Variants in ABCB1 observed in about 807,000 individuals in gnomAD.
ABCB1 encodes the protein ATP binding cassette subfamily B member 1, also known as ATP-dependent translocase ABCB1.
A neutral mutation model predicts 142.0 loss-of-function variants in ABCB1; 69 were observed. The observed-to-expected ratio is 0.49, with a 90% CI of 0.40 to 0.59. The LOEUF (loss-of-function observed/expected upper bound fraction) is 0.59. ABCB1 is among the 20% of genes least tolerant of loss of function. The pLI is 0.00. For synonymous variants in ABCB1, 532 were observed against 539.2 expected (o/e 0.99, Z 0.18); for missense variants, 1,326 against 1,554.7 (o/e 0.85, Z 2.47).
chr7:87,597,321 G>T (rs995457806), intron 2 of ABCB1, among the ~76,000 whole-genome samples: 2 of 151,594 alleles, frequency 1.3e-5, no homozygotes, highest in Non-Finnish European at 2.9e-5. Context: ...TTTTAATAAA[G>T]AATCTTTGCT....
chr7:87,681,735 G>A (rs1291746653), intron 1 of ABCB1, among the ~76,000 whole-genome samples: 4 of 138,026 alleles, frequency 2.9e-5, no homozygotes, highest in Non-Finnish European at 6.2e-5. Flanking sequence ...ACAATGGGCT[G>A]GGCACAGTGG....
chr7:87,571,526 C>T (rs10259849), intron 4 of ABCB1, among the ~76,000 whole-genome samples: 115,353 of 151,788 alleles, frequency 0.76, 44,329 homozygotes, highest in African/African-American at 0.89. Flanking sequence ...ACTTATGAGA[C>T]TTATAGAGGA....
intron 18 of ABCB1, 93 bp from the exon 19 acceptor site, chr7:87,539,438 A>G (rs1584860096): frequency 8.1e-7 from 1 of 1,232,258 alleles, no homozygotes; most frequent in East Asian, 2.4e-5. Flanking sequence ...GAGATCAGAC[A>G]AAGTCAGAAA....
At chr7:87,632,415 C>T (rs1821313950) in intron 1 of ABCB1, among the ~76,000 whole-genome samples, 1 of 152,108 alleles carries the variant, frequency 6.6e-6, no homozygotes, top group Admixed American at 6.5e-5. Context: ...TGAACATTTA[C>T]ATGTTGTAGA....
intron 4 of ABCB1, among the ~76,000 whole-genome samples, chr7:87,572,921 G>A (rs1818112444): frequency 1.3e-5 from 2 of 149,788 alleles, no homozygotes; most frequent in South Asian, 2.2e-4. Flanking sequence ...GGGAGGGAGA[G>A]AATCAGGAAA....
chr7:87,632,976 G>A (rs563427961), intron 1 of ABCB1, among the ~76,000 whole-genome samples: 3 of 152,300 alleles, frequency 2.0e-5, no homozygotes, highest in African/African-American at 7.2e-5. Flanking sequence ...GGAGTAGTGT[G>A]ATAAGCACGG....
chr7:87,546,069 T>A lies in ABCB1; in HGVS notation c.1726-45A>T, dbSNP rs759194613. On this transcript the variant is annotated intron_variant, in intron 14 of 27. Transcript: ENST00000622132. ...GTTTTTGAATACATTAACAATTACC[T>A]GAAGAAACTTAACCATTCAACATAT... 4.4e-6 allele frequency: 7 copies of A among 1,587,220 alleles called. 1 individual carries two copies. The highest frequency in any genetic ancestry group is 6.1e-6 in the Non-Finnish European group (7 of 1,155,824).
intron 21 of ABCB1, 51 bp downstream of exon 21, chr7:87,531,243 T>C: frequency 6.8e-7 from 1 of 1,476,162 alleles, no homozygotes; most frequent in African/African-American, 1.4e-5. Flanking sequence ...ATAACACTGA[T>C]TAGAATACTT....
intron 1 of ABCB1, among the ~76,000 whole-genome samples, chr7:87,680,629 C>A (rs1826833920): frequency 6.7e-6 from 1 of 150,066 alleles, no homozygotes; most frequent in Middle Eastern, 3.4e-3. Context: ...CCCGTTTCTA[C>A]CAAAAATACA....
At chr7:87,707,541 G>T (rs1347931716) in intron 1 of ABCB1, among the ~76,000 whole-genome samples, 2 of 152,010 alleles carry the variant, frequency 1.3e-5, no homozygotes, top group Non-Finnish European at 2.9e-5. Context: ...AGGTGTGGTG[G>T]CACGCACCTG....
chr7:87,519,229 T>C, intron 23 of ABCB1, 97 bp downstream of exon 23: 1 of 1,228,248 alleles, frequency 8.1e-7, no homozygotes, highest in East Asian at 2.4e-5. Flanking sequence ...CAGAATCTCT[T>C]CATGAGGCTT....
At chr7:87,578,909 A>G (rs1209054) in intron 4 of ABCB1, among the ~76,000 whole-genome samples, 106,042 of 151,466 alleles carry the variant, frequency 0.7, 37,539 homozygotes, top group East Asian at 0.98. Context: ...TAGCCGGGAT[A>G]GTCTCGATCT....
At chr7:87,663,604 A>G (rs1824933631) in intron 1 of ABCB1, among the ~76,000 whole-genome samples, 1 of 152,106 alleles carries the variant, frequency 6.6e-6, no homozygotes, top group African/African-American at 2.4e-5. Context: ...ACTTTTCCAC[A>G]TTATTGCTTT....
At chr7:87,636,051 A>G (rs1021089420) in intron 1 of ABCB1, among the ~76,000 whole-genome samples, 1 of 152,054 alleles carries the variant, frequency 6.6e-6, no homozygotes, top group Non-Finnish European at 1.5e-5. Context: ...ATATTCATTC[A>G]TATTTATTTT....
intron 21 of ABCB1, among the ~76,000 whole-genome samples, chr7:87,526,891 G>T (rs1815806863): frequency 6.6e-6 from 1 of 152,086 alleles, no homozygotes; most frequent in Non-Finnish European, 1.5e-5. Flanking sequence ...TCCTAAACCG[G>T]ATTGCATTTA....
At chr7:87,515,542 G>T in intron 24 of ABCB1, 114 bp from the exon 25 acceptor site, 1 of 853,064 alleles carries the variant, frequency 1.2e-6, no homozygotes, top group Non-Finnish European at 1.9e-6. Flanking sequence ...GTTACAATTG[G>T]CTTCACTTCA....
intron 3 of ABCB1, among the ~76,000 whole-genome samples, chr7:87,591,166 T>C (rs1353677329): frequency 5.9e-5 from 9 of 151,520 alleles, no homozygotes. Context: ...AAGTAAGAGG[T>C]TGGAGTGATG....
intron 4 of ABCB1, among the ~76,000 whole-genome samples, chr7:87,571,466 T>C (rs1439719538): frequency 6.6e-6 from 1 of 152,194 alleles, no homozygotes; most frequent in Non-Finnish European, 1.5e-5. Flanking sequence ...TCAGCTACTA[T>C]AACTATGTAG....
At chr7:87,642,518 T>C (rs1822556998) in intron 1 of ABCB1, among the ~76,000 whole-genome samples, 1 of 152,134 alleles carries the variant, frequency 6.6e-6, no homozygotes, top group Non-Finnish European at 1.5e-5. Context: ...GGGAGTTCTT[T>C]CATATGAGAT....
Sources: gnomAD v4.1 joint callset for allele counts (sites outside exome capture counted in the v4.1 genomes callset) on GRCh38, gnomAD v4.1.1 for gene constraint, MANE v1.5 for transcripts, NCBI Gene and HGNC (gene_info 2026-07-23, HGNC 2026-07-21) for gene names.